CCDC28B: variants seen among roughly 807,000 people sequenced by gnomAD.
CCDC28B encodes the protein coiled-coil domain-containing protein 28B.
A neutral mutation model predicts 18.7 loss-of-function variants in CCDC28B; 17 were observed. That is an observed-to-expected ratio of 0.91 (90% CI 0.62 to 1.36). CCDC28B has a LOEUF of 1.36. CCDC28B is among the 40% of genes most tolerant of loss of function. The pLI, the probability that CCDC28B is intolerant of heterozygous loss-of-function variation, is 0.00. For synonymous variants in CCDC28B, 116 were observed against 105.1 expected, an observed-to-expected ratio of 1.10 and a Z score of -0.64; for missense variants, 213 against 251.7, an observed-to-expected ratio of 0.85 and a Z score of 1.04.
In CCDC28B at chr1:32,203,939, G is replaced by A. The variant is rs202020131; in HGVS notation, c.225G>A (p.Thr75=). The A allele has an allele frequency of 7.9e-5, 123 of 1,564,166 alleles. No homozygotes were observed. The highest frequency in any genetic ancestry group is 1.0e-4 in the Non-Finnish European group (119 of 1,155,794). The change falls in exon 3 of 6, where the codon ACG becomes ACA. Residue 75 remains threonine, a synonymous_variant. Transcript: ENST00000373602. ...LAGGGSGSAG[T]PLQHSFLTEV... is the part of the protein sequence containing the mutation. ...GAGGTGGAAGCGGCTCTGCAGGCACGCCCCTGCAGCACTCCTTCCTGACCG... is the reference window on the plus strand; with the variant it reads ...GAGGTGGAAGCGGCTCTGCAGGCACACCCCTGCAGCACTCCTTCCTGACCG...
At chr1:32,200,321 T>TA (rs1643120853), upstream of CCDC28B, 1 of 152,870 alleles carries the variant, frequency 6.5e-6, no homozygotes, top group African/African-American at 2.4e-5. Flanking sequence ...CTTCTGTGCT[T>TA]ACATTCTCTC....
At chr1:32,198,348 A>G (rs1033175285), upstream of CCDC28B, 3 of 152,220 alleles carry the variant, frequency 2.0e-5, no homozygotes, top group African/African-American at 7.2e-5. Context: ...AGCCCCTTCC[A>G]TCATCACTGA....
rs376711667 is a variant in CCDC28B at position 32,205,274 on chromosome 1, C to G, written c.*26C>G. On this transcript the variant is annotated 3_prime_UTR_variant, in exon 6 of 6. Coordinates refer to ENST00000373602, the MANE Select transcript of CCDC28B (RefSeq NM_024296.5). This position sits in a 1 kb window ranked among gnomAD's most constrained non-coding sequence, Gnocchi z 5.6. Reference sequence around the variant, plus strand: ...GCGTCCCACGCAGGCCCACACTGCCCCTCTCATTCTCTTCAAACTGTGACT... The same window carrying G: ...GCGTCCCACGCAGGCCCACACTGCCGCTCTCATTCTCTTCAAACTGTGACT... 9.5e-5 allele frequency: 151 copies of G among 1,591,728 alleles called. No individual in the cohort carries two copies. The highest frequency in any genetic ancestry group is 1.3e-4 in the Non-Finnish European group (147 of 1,166,390).
At chr1:32,202,695 G>A (rs1468009813) in intron 2 of CCDC28B, 1 of 165,096 alleles carries the variant, frequency 6.1e-6, no homozygotes, top group Non-Finnish European at 1.3e-5. Flanking sequence ...TAGCAGGAAA[G>A]GCAACTGGGA....
At chr1:32,201,324 G>A (rs150644021) in intron 1 of CCDC28B, among the ~76,000 whole-genome samples, 94 of 152,270 alleles carry the variant, frequency 6.2e-4, no homozygotes, top group Non-Finnish European at 1.2e-3. Flanking sequence ...TAATATTTTC[G>A]GTTGGGGGTG....
rs1312355003 is a variant in CCDC28B, at chr1:32,202,001, C to G, written c.66C>G (p.Gly22=). ...PCLAQPAQAP[G]TLRRVPVPTS... ...TGGCCCAGCCAGCCCAGGCCCCAGG[C>G]ACACTACGGAGGGTCCCTGTGCCTA... is the stretch of plus-strand genomic sequence containing the variant. Residue 22 remains glycine (G), a synonymous_variant, in exon 2 of 6, where the codon GGC becomes GGG. Coordinates refer to ENST00000373602, the MANE Select transcript of CCDC28B (RefSeq NM_024296.5). The G allele has an allele frequency of 6.2e-7, 1 of 1,613,952 alleles. No individual in the cohort carries two copies. Among genetic ancestry groups the G allele is most frequent in the Admixed American group, 1.7e-5 (1 of 60,004 alleles).
At chr1:32,204,476 G>A in intron 4 of CCDC28B, 97 bp downstream of exon 4, 3 of 1,512,490 alleles carry the variant, frequency 2.0e-6, no homozygotes, top group Non-Finnish European at 2.7e-6. Flanking sequence ...TGAAAAGGTG[G>A]GAGTGCATGG....
In CCDC28B at chr1:32,204,639, C is replaced by T. The variant is rs1378433535; in HGVS notation, c.548+19C>T. ...ATTCTATGTATCCTTTCCAAGGAAC[C>T]CGTCTATGTGTGTGTGTTCCTGAGA... On this transcript the variant is annotated intron_variant, in intron 5 of 5. Transcript: ENST00000373602. 1.3e-6 allele frequency: 2 copies of T among 1,599,594 alleles called. No individual in the cohort carries two copies. The highest frequency in any genetic ancestry group is 2.7e-5 in the African/African-American group (2 of 74,128).
intron 2 of CCDC28B, chr1:32,203,180 G>A (rs1643192803): frequency 1.3e-5 from 2 of 151,826 alleles, no homozygotes; most frequent in Non-Finnish European, 2.9e-5. Context: ...AAGAGGGCTA[G>A]GGGCAGTGGC....
At chr1:32,204,847 G>A (rs984354152) in intron 5 of CCDC28B, 7 of 1,547,514 alleles carry the variant, frequency 4.5e-6, no homozygotes, top group African/African-American at 1.4e-5. Flanking sequence ...AAATCTTTGT[G>A]AGTACTTTAG....
chr1:32,203,969 G>A lies in CCDC28B; in HGVS notation c.255G>A (p.Val85=). 1 of 1,581,182 alleles carries A rather than the reference G, an allele frequency of 6.3e-7. No homozygotes were observed. Among genetic ancestry groups the A allele is most frequent in the South Asian group, 1.2e-5 (1 of 85,842 alleles). ...TGCAGCACTCCTTCCTGACCGAGGTGACTGATGTCTATGAGATGGAGGGGG... is the reference window on the plus strand; with the variant it reads ...TGCAGCACTCCTTCCTGACCGAGGTAACTGATGTCTATGAGATGGAGGGGG... ...TPLQHSFLTE[V]TDVYEMEGGL... The change falls in exon 3 of 6, where the codon GTG becomes GTA. Residue 85 remains valine (V), a synonymous_variant. Transcript: ENST00000373602.
Position 32,205,028 on chromosome 1 carries a change from A to G in CCDC28B, c.549-166A>G, listed in dbSNP as rs1015447289. The stretch of plus-strand genomic sequence containing the variant: ...ACCTGCACGATCTGGATGAAGAGAG[A>G]GGGGGTGAGAGAGGGCAGGCGGGGA... On this transcript the variant is annotated intron_variant, in intron 5 of 5. Coordinates refer to ENST00000373602, the MANE Select transcript of CCDC28B (RefSeq NM_024296.5). This position sits in a 1 kb window ranked among gnomAD's most constrained non-coding sequence, Gnocchi z 5.6. 1.1e-5 allele frequency: 13 copies of G among 1,162,946 alleles called. No homozygotes were observed. The highest frequency in any genetic ancestry group is 2.9e-4 in the Middle Eastern group (1 of 3,436). The allele number at this position is 1,162,946 out of a possible 1,614,324, so 72.0% of individuals were successfully genotyped here.
chr1:32,204,140 G>C (rs1643231935), intron 3 of CCDC28B, 46 bp from the exon 4 acceptor site: 1 of 1,610,316 alleles, frequency 6.2e-7, no homozygotes. Flanking sequence ...AGGGTTCCAG[G>C]GTTCCAGGAC....
chr1:32,196,121 C>T (rs868257126), upstream of CCDC28B: 19 of 158,908 alleles, frequency 1.2e-4, no homozygotes, highest in Admixed American at 5.8e-4. Context: ...CCACTTGGCT[C>T]CTTTGCCATC....
intron 2 of CCDC28B, chr1:32,202,589 T>G (rs967847387): frequency 3.1e-6 from 1 of 319,128 alleles, no homozygotes; most frequent in African/African-American, 2.2e-5. Flanking sequence ...TACAATGTAT[T>G]CTTTCTCCAG....
upstream of CCDC28B, chr1:32,198,267 T>TA (rs1013900439): frequency 6.6e-6 from 1 of 152,270 alleles, no homozygotes; most frequent in Admixed American, 6.5e-5. Context: ...CCACATTAAA[T>TA]AAAGAGTCTG....
chr1:32,199,071 C>T (rs979944742), upstream of CCDC28B, among the ~76,000 whole-genome samples: 6 of 152,178 alleles, frequency 3.9e-5, no homozygotes, highest in African/African-American at 1.4e-4. Context: ...TTTTACACCC[C>T]CCATTTACCC....
chr1:32,202,993 G>A (rs1214291297), intron 2 of CCDC28B: 1 of 152,160 alleles, frequency 6.6e-6, no homozygotes, highest in African/African-American at 2.4e-5. Context: ...AGTTAGCCAG[G>A]CGTGATGGTG....
At position 32,204,061 on chromosome 1, in the gene CCDC28B, T is replaced by C; in HGVS notation, c.331+16T>C. On this transcript the variant is annotated intron_variant, in intron 3 of 5. Transcript: ENST00000373602. ...CAGGCCTTCGGTGAGTCCTGGGGGC[T>C]GGTTTCAGCGGGTGTGTGGATAGGG... The C allele has an allele frequency of 6.4e-7, 1 of 1,564,764 alleles. No homozygotes were observed. Among genetic ancestry groups the C allele is most frequent in the African/African-American group, 1.4e-5 (1 of 73,638 alleles).
Sources: gnomAD v4.1 joint callset for allele counts (sites outside exome capture counted in the v4.1 genomes callset) on GRCh38, gnomAD v4.1.1 for gene constraint, Gnocchi (gnomAD v3.1) non-coding constraint, MANE v1.5 for transcripts, NCBI Gene and HGNC (gene_info 2026-07-23, HGNC 2026-07-21) for gene names.